The following SANBR variants were observed in gnomAD, a reference collection of about 807,000 sequenced individuals.
SANBR encodes SANT and BTB domain regulator of class switch recombination.
Under a neutral mutation model 101.8 loss-of-function variants are expected in SANBR, and 77 were observed. The observed-to-expected ratio is 0.76, with a 90% CI of 0.63 to 0.91. The LOEUF (loss-of-function observed/expected upper bound fraction) is 0.91. Ranked by LOEUF, SANBR falls within the 40% of genes least tolerant of loss-of-function variation. SANBR has a pLI of 0.00. For synonymous variants in SANBR, 279 were observed against 274.7 expected (o/e 1.02, Z -0.15); for missense variants, 875 against 853.0 (o/e 1.03, Z -0.32).
chr2:61,078,015 GA>G (rs1205149597), intron 6 of SANBR, among the ~76,000 whole-genome samples: 27 of 152,202 alleles, frequency 1.8e-4, no homozygotes, highest in African/African-American at 6.5e-4. Flanking sequence ...GTGCTTGACA[GA>G]AGGCTTCTCA....
At chr2:61,130,234 A>G (rs1219615648) in intron 20 of SANBR, among the ~76,000 whole-genome samples, 1 of 152,076 alleles carries the variant, frequency 6.6e-6, no homozygotes, top group Non-Finnish European at 1.5e-5. Flanking sequence ...TTGTTGCTCC[A>G]GGCAACAACT....
At chr2:61,129,258 A>G (rs1444566526), downstream of SANBR, among the ~76,000 whole-genome samples, 1 of 152,206 alleles carries the variant, frequency 6.6e-6, no homozygotes, top group East Asian at 1.9e-4. Context: ...AGCCTGGCCA[A>G]CGTGGTGAAA....
chr2:61,130,137 C>A (rs1243593658), intron 20 of SANBR, among the ~76,000 whole-genome samples: 1 of 151,960 alleles, frequency 6.6e-6, no homozygotes, highest in Non-Finnish European at 1.5e-5. Context: ...TCCTCTTTTA[C>A]TTTCTTTTGC....
intron 13 of SANBR, 70 bp from the exon 14 acceptor site, chr2:61,106,493 A>G (rs1179045366): frequency 3.8e-6 from 4 of 1,048,204 alleles, no homozygotes; most frequent in Admixed American, 4.5e-5. Flanking sequence ...CATTTGTAAT[A>G]AAAAGATATT....
At chr2:61,112,426 C>G (rs1683874041) in intron 16 of SANBR, among the ~76,000 whole-genome samples, 1 of 151,956 alleles carries the variant, frequency 6.6e-6, no homozygotes, top group Admixed American at 6.6e-5. Context: ...TACTTTAGAT[C>G]TAAGTCTTTT....
At chr2:61,085,221 G>A (rs769315969) in intron 8 of SANBR, among the ~76,000 whole-genome samples, 1 of 152,076 alleles carries the variant, frequency 6.6e-6, no homozygotes, top group Non-Finnish European at 1.5e-5. Context: ...TTTTTTGTAT[G>A]TCCTGTTCAA....
intron 10 of SANBR, among the ~76,000 whole-genome samples, chr2:61,090,202 T>C (rs1261108597): frequency 6.6e-6 from 1 of 152,160 alleles, no homozygotes; most frequent in Non-Finnish European, 1.5e-5. Flanking sequence ...AATAGGATGT[T>C]CACTAAAACA....
intron 16 of SANBR, among the ~76,000 whole-genome samples, chr2:61,114,339 G>A (rs1053642122): frequency 9.2e-5 from 14 of 152,228 alleles, no homozygotes; most frequent in Middle Eastern, 3.4e-3. Flanking sequence ...TGTAATTACC[G>A]TTGCCAACCC....
At chr2:61,107,557 A>C (rs1426793403) in intron 14 of SANBR, among the ~76,000 whole-genome samples, 1 of 152,280 alleles carries the variant, frequency 6.6e-6, no homozygotes, top group East Asian at 1.9e-4. Context: ...CTTTTACTTG[A>C]GAAAGTGAAA....
At chr2:61,072,692 C>T (rs1217830278) in intron 4 of SANBR, among the ~76,000 whole-genome samples, 1 of 151,736 alleles carries the variant, frequency 6.6e-6, no homozygotes, top group African/African-American at 2.4e-5. Flanking sequence ...AATCTACTGG[C>T]CTAGTTAATT....
intron 1 of SANBR, among the ~76,000 whole-genome samples, chr2:61,067,909 A>G (rs1298621585): frequency 6.6e-6 from 1 of 152,252 alleles, no homozygotes; most frequent in Non-Finnish European, 1.5e-5. Flanking sequence ...CCAGCAGGAC[A>G]TGATCCCCAT....
intron 6 of SANBR, among the ~76,000 whole-genome samples, chr2:61,078,820 C>T (rs1218348982): frequency 6.6e-6 from 1 of 151,674 alleles, no homozygotes; most frequent in Admixed American, 6.6e-5. Flanking sequence ...GGGTGGATCA[C>T]TTGAGGCCAG....
At chr2:61,096,185 T>C (rs1683021928) in intron 11 of SANBR, among the ~76,000 whole-genome samples, 1 of 152,132 alleles carries the variant, frequency 6.6e-6, no homozygotes, top group South Asian at 2.1e-4. Context: ...TGGTTTTACC[T>C]TCTCAAGATC....
In SANBR at chr2:61,109,221, GA is replaced by G; in HGVS notation, c.1671del (p.Glu558LysfsTer66). On this transcript the variant is annotated frameshift_variant, in exon 16 of 22. Transcript: ENST00000402291. LOFTEE classifies it high-confidence loss of function. Reference sequence around the variant, plus strand: ...GAAACAACAGTCACTGTTTTCAGAAGAAGAAGAATATACCACTGGATCTGAG... The same window carrying G: ...GAAACAACAGTCACTGTTTTCAGAAGAGAAGAATATACCACTGGATCTGAG... ...QLKQQSLFSE[E>X]EEYTTGSEVT... is the part of the protein sequence containing the mutation. 1 of 1,527,518 alleles carries G rather than the reference GA, an allele frequency of 6.5e-7. No homozygotes were observed. Among genetic ancestry groups the G allele is most frequent in the Non-Finnish European group, 8.8e-7 (1 of 1,133,966 alleles). 94.6% of individuals were successfully genotyped at this position (1,527,518 alleles called of 1,614,324 possible). A position where few individuals can be genotyped will look rare whatever the true frequency, so the allele number is the denominator to read the frequency against.
intron 16 of SANBR, among the ~76,000 whole-genome samples, chr2:61,110,498 G>C (rs1683778055): frequency 6.6e-6 from 1 of 152,168 alleles, no homozygotes; most frequent in South Asian, 2.1e-4. Context: ...TGGCCAACGT[G>C]GTGAAACCCG....
At chr2:61,128,939 G>A (rs1049249596), downstream of SANBR, among the ~76,000 whole-genome samples, 6 of 152,080 alleles carry the variant, frequency 3.9e-5, no homozygotes, top group African/African-American at 1.4e-4. Context: ...TCCAGTGTGG[G>A]AGACAGAGGG....
At chr2:61,083,091 G>T in intron 7 of SANBR, 63 bp from the exon 8 acceptor site, 3 of 1,220,770 alleles carry the variant, frequency 2.5e-6, no homozygotes, top group Non-Finnish European at 3.6e-6. Flanking sequence ...TCTTTGAAAG[G>T]TATTGCTATG....
intron 1 of SANBR, chr2:61,066,318 C>G (rs1204158401): frequency 6.5e-6 from 1 of 152,966 alleles, no homozygotes; most frequent in Non-Finnish European, 1.5e-5. Context: ...CCCCGGGCCT[C>G]TGCCCCGCCT....
intron 10 of SANBR, chr2:61,090,573 A>G (rs6733838): frequency 0.061 from 9,396 of 152,982 alleles, 1,005 homozygotes; most frequent in African/African-American, 0.22. Flanking sequence ...GGCGGAATGC[A>G]GTGGTGCGAT....
Sources: allele counts gnomAD v4.1 joint callset (sites outside exome capture counted in the v4.1 genomes callset), GRCh38; gene constraint gnomAD v4.1.1; transcripts MANE v1.5; gene names NCBI Gene and HGNC (gene_info 2026-07-23, HGNC 2026-07-21).